Variants in SMIM13 observed in about 807,000 individuals in gnomAD.
The protein encoded by SMIM13 is UPF0766 protein C6orf228.
Under a neutral mutation model 5.9 loss-of-function variants are expected in SMIM13, and 3 were observed. The observed-to-expected ratio is 0.51, with a 90% CI of 0.23 to 1.31. SMIM13 has a LOEUF of 1.31. Among genes scored for constraint, SMIM13 ranks in the 40% most tolerant of loss-of-function variants. The pLI is 0.18. For missense variants in SMIM13, 85 were observed against 109.9 expected, an observed-to-expected ratio of 0.77 and a Z score of 1.01; for synonymous variants, 55 against 46.0, an observed-to-expected ratio of 1.19 and a Z score of -0.79.
At chr6:11,106,572 C>A (rs1758086699) in intron 1 of SMIM13, among the ~76,000 whole-genome samples, 1 of 152,198 alleles carries the variant, frequency 6.6e-6, no homozygotes, top group Admixed American at 6.5e-5. Context: ...GAAGTTCTCC[C>A]AACCTATATC....
At chr6:11,122,475 TG>T (rs1187273869) in intron 1 of SMIM13, among the ~76,000 whole-genome samples, 1 of 152,212 alleles carries the variant, frequency 6.6e-6, no homozygotes, top group East Asian at 1.9e-4. Flanking sequence ...TTTTGCAGTG[TG>T]GACCAAAAGT....
chr6:11,105,046 C>T, intron 1 of SMIM13: 1 of 1,614,176 alleles, frequency 6.2e-7, no homozygotes, highest in South Asian at 1.1e-5. Flanking sequence ...AGACTATTTG[C>T]AGGCCTCATC....
At chr6:11,132,534 A>G (rs1213035596) in intron 1 of SMIM13, among the ~76,000 whole-genome samples, 1 of 152,244 alleles carries the variant, frequency 6.6e-6, no homozygotes, top group African/African-American at 2.4e-5. Context: ...ATGTCTATCA[A>G]TTGATGAATC....
At chr6:11,119,641 G>A (rs1400843840) in intron 1 of SMIM13, among the ~76,000 whole-genome samples, 1 of 149,014 alleles carries the variant, frequency 6.7e-6, no homozygotes, top group Non-Finnish European at 1.5e-5. Flanking sequence ...ACGACAGAGC[G>A]AGACTCCATC....
At chr6:11,116,609 G>A (rs1253162536) in intron 1 of SMIM13, among the ~76,000 whole-genome samples, 1 of 152,180 alleles carries the variant, frequency 6.6e-6, no homozygotes, top group East Asian at 1.9e-4. Context: ...CAGGCACTGT[G>A]TCTGTTTACT....
chr6:11,115,708 G>A (rs1758229011), intron 1 of SMIM13, among the ~76,000 whole-genome samples: 1 of 141,028 alleles, frequency 7.1e-6, no homozygotes, highest in Admixed American at 7.3e-5. Context: ...TTTTGAGACA[G>A]AGTTTCACTT....
At chr6:11,100,633 G>A (rs1043948589) in intron 1 of SMIM13, among the ~76,000 whole-genome samples, 1 of 152,056 alleles carries the variant, frequency 6.6e-6, no homozygotes, top group Non-Finnish European at 1.5e-5. Flanking sequence ...AGCTTTCTAG[G>A]AAAGAATGCA....
At chr6:11,133,749 T>TG (rs1252322285) in intron 1 of SMIM13, among the ~76,000 whole-genome samples, 2 of 152,042 alleles carry the variant, frequency 1.3e-5, no homozygotes, top group Non-Finnish European at 2.9e-5. Context: ...TTTTTTTTTT[T>TG]TTGTTAAAAG....
chr6:11,119,679 A>G (rs1277702401), intron 1 of SMIM13, among the ~76,000 whole-genome samples: 1 of 151,850 alleles, frequency 6.6e-6, no homozygotes, highest in African/African-American at 2.4e-5. Context: ...TTTGGTCCTC[A>G]TCATCTATAA....
At chr6:11,104,491 C>CT in intron 1 of SMIM13, 1 of 1,554,724 alleles carries the variant, frequency 6.4e-7, no homozygotes, top group South Asian at 1.2e-5. Context: ...CCAAAAAATT[C>CT]TGAGACTGCT....
chr6:11,099,401 C>T (rs532593811), intron 1 of SMIM13, among the ~76,000 whole-genome samples: 1 of 152,256 alleles, frequency 6.6e-6, no homozygotes, highest in African/African-American at 2.4e-5. Flanking sequence ...TCTCAATCTC[C>T]TGACCTCGTG....
At chr6:11,111,096 A>G (rs536501904) in intron 1 of SMIM13, among the ~76,000 whole-genome samples, 4 of 152,346 alleles carry the variant, frequency 2.6e-5, no homozygotes, top group South Asian at 2.1e-4. Context: ...TGGTAGGGTA[A>G]CAAGTATAAA....
chr6:11,120,096 G>A (rs1283928277), intron 1 of SMIM13, among the ~76,000 whole-genome samples: 1 of 152,144 alleles, frequency 6.6e-6, no homozygotes, highest in Non-Finnish European at 1.5e-5. Flanking sequence ...TGTGAAATTG[G>A]TAGTGAGCCA....
At chr6:11,125,338 G>C (rs1373088356) in intron 1 of SMIM13, among the ~76,000 whole-genome samples, 1 of 148,092 alleles carries the variant, frequency 6.8e-6, no homozygotes, top group Non-Finnish European at 1.5e-5. Flanking sequence ...GCTCACGCCT[G>C]TAATTCCAGC....
chr6:11,096,816 C>T (rs1447622830), intron 1 of SMIM13, among the ~76,000 whole-genome samples: 1 of 152,110 alleles, frequency 6.6e-6, no homozygotes, highest in Non-Finnish European at 1.5e-5. Context: ...TCTTCTGCCT[C>T]AGCCTCCTGA....
At chr6:11,110,645 A>G (rs757256657) in intron 1 of SMIM13, among the ~76,000 whole-genome samples, 1 of 152,298 alleles carries the variant, frequency 6.6e-6, no homozygotes, top group Admixed American at 6.5e-5. Context: ...ATGCTTAACG[A>G]GGTAGAACAA....
chr6:11,116,982 CTTTTTTTTTTTTTTTTTTT>C (rs68092921), intron 1 of SMIM13, among the ~76,000 whole-genome samples: 1 of 46,452 alleles, frequency 2.2e-5, no homozygotes, highest in Non-Finnish European at 3.9e-5. Flanking sequence ...ATAATTGTTT[CTTTTTTTTTTTTTTTTTTT>C]TTTTTTTTGA....
At chr6:11,110,647 G>A (rs778996184) in intron 1 of SMIM13, among the ~76,000 whole-genome samples, 11 of 152,194 alleles carry the variant, frequency 7.2e-5, no homozygotes, top group Non-Finnish European at 1.5e-4. Context: ...GCTTAACGAG[G>A]TAGAACAATC....
intron 1 of SMIM13, among the ~76,000 whole-genome samples, chr6:11,111,192 G>T (rs145432447): frequency 6.6e-6 from 1 of 152,196 alleles, no homozygotes; most frequent in African/African-American, 2.4e-5. Flanking sequence ...AACAAATAGG[G>T]AATGTGTGTT....
Sources: allele counts gnomAD v4.1 joint callset (sites outside exome capture counted in the v4.1 genomes callset), GRCh38; gene constraint gnomAD v4.1.1; transcripts MANE v1.5; gene names NCBI Gene and HGNC (gene_info 2026-07-23, HGNC 2026-07-21).